SEMA5B: variants seen among roughly 807,000 people sequenced by gnomAD.
The protein encoded by SEMA5B is semaphorin-5B.
SEMA5B carries 66 observed loss-of-function variants against 135.0 expected under a neutral mutation model. That is an observed-to-expected ratio of 0.49 (90% CI 0.40 to 0.60). The LOEUF (loss-of-function observed/expected upper bound fraction) is 0.60. SEMA5B is among the 20% of genes least tolerant of loss of function. The pLI is 0.00. For missense variants in SEMA5B, 1,501 were observed against 1,566.3 expected (o/e 0.96, Z 0.70); for synonymous variants, 690 against 639.5 (o/e 1.08, Z -1.19).
intron 5 of SEMA5B, among the ~76,000 whole-genome samples, chr3:122,936,149 G>C (rs1249033159): frequency 2.0e-5 from 3 of 152,120 alleles, no homozygotes; most frequent in Non-Finnish European, 4.4e-5. Context: ...GATCAATCTG[G>C]AACACAGAGT....
At chr3:122,994,700 C>G (rs1941984550) in intron 1 of SEMA5B, among the ~76,000 whole-genome samples, 1 of 152,192 alleles carries the variant, frequency 6.6e-6, no homozygotes, top group South Asian at 2.1e-4. Context: ...AGGGGTTAGG[C>G]AGGACCAGGA....
intron 2 of SEMA5B, among the ~76,000 whole-genome samples, chr3:122,957,495 C>T (rs1311621968): frequency 6.6e-6 from 1 of 152,230 alleles, no homozygotes; most frequent in African/African-American, 2.4e-5. Context: ...AGGTCCTCTC[C>T]AGGGTAACCT....
chr3:122,957,741 G>A (rs947908498), intron 2 of SEMA5B, among the ~76,000 whole-genome samples: 54 of 152,310 alleles, frequency 3.5e-4, no homozygotes, highest in African/African-American at 1.3e-3. Flanking sequence ...CTTGCCCAAG[G>A]TCCCCCTGCC....
intron 1 of SEMA5B, among the ~76,000 whole-genome samples, chr3:123,013,581 C>G (rs1942486208): frequency 1.3e-5 from 2 of 152,170 alleles, no homozygotes; most frequent in Non-Finnish European, 2.9e-5. Context: ...AATGGCAAAG[C>G]AGGTGTTGAG....
intron 12 of SEMA5B, among the ~76,000 whole-genome samples, chr3:122,917,047 A>G (rs553519314): frequency 6.6e-6 from 1 of 152,302 alleles, no homozygotes; most frequent in East Asian, 1.9e-4. Flanking sequence ...AGGGGAGAAA[A>G]AGTCTGTGGG....
At chr3:123,000,905 G>C (rs1034679864) in intron 1 of SEMA5B, among the ~76,000 whole-genome samples, 1 of 152,190 alleles carries the variant, frequency 6.6e-6, no homozygotes, top group African/African-American at 2.4e-5. Flanking sequence ...TCTGCTCCAG[G>C]TGGAGAACCA....
chr3:122,973,080 T>C (rs1051589329), intron 1 of SEMA5B, among the ~76,000 whole-genome samples: 1 of 152,182 alleles, frequency 6.6e-6, no homozygotes, highest in African/African-American at 2.4e-5. Context: ...ATCTAAGAGG[T>C]AACCATAGTT....
Position 122,921,934 on chromosome 3 carries a change from C to T in SEMA5B, c.1669G>A (p.Ala557Thr), listed in dbSNP as rs909887013. ...GCTTACCCCTGGCTGCGGTAGGCGG[C>T]GCACCTCTCCAGTGGGACCCGCAGG... ...GVLRVPLERC[A>T]AYRSQGACLG... is the part of the protein sequence containing the mutation. The change falls in exon 12 of 23, where the codon GCC becomes ACC. Residue 557 changes from alanine (A) to threonine (T), a missense_variant. Physicochemically the swap from Ala to Thr is moderately conservative, Grantham distance 58. This residue lies in a region of SEMA5B where 927 missense variants were observed against 881.6 expected (regional missense o/e 1.05). Transcript: ENST00000357599. 5 of 1,533,942 alleles carry T rather than the reference C, an allele frequency of 3.3e-6. No individual in the cohort carries two copies. The African/African-American group carries it at 5.5e-5, about 17-fold the overall frequency.
chr3:122,931,938 T>G (rs1389940669), intron 5 of SEMA5B, among the ~76,000 whole-genome samples: 1 of 152,138 alleles, frequency 6.6e-6, no homozygotes, highest in Non-Finnish European at 1.5e-5. Flanking sequence ...CCAGAAAAAA[T>G]GACTAAGTTC....
Position 122,976,223 on chromosome 3 carries a change from C to A in SEMA5B, c.-38-14922G>T, listed in dbSNP as rs79163333. ...GCTCCTAGGACCAGCAGCATCTGCA[C>A]CTCCTGGGAACTTGTTTAAAATGCA... On this transcript the variant is annotated intron_variant, in intron 1 of 22. Transcript: ENST00000357599. 3,278 of 1,420,282 alleles carry A rather than the reference C, an allele frequency of 2.3e-3. 73 individuals are homozygous for A. The African/African-American group carries it at 0.042, about 18-fold the overall frequency. 88.0% of individuals were successfully genotyped at this position (1,420,282 alleles called of 1,614,324 possible).
intron 1 of SEMA5B, among the ~76,000 whole-genome samples, chr3:122,977,596 T>G (rs532165874): frequency 9.8e-4 from 150 of 152,348 alleles, no homozygotes; most frequent in African/African-American, 3.4e-3. Flanking sequence ...CTCATGCTCC[T>G]AGGATTTAAA....
chr3:122,948,146 T>C (rs1295425263), intron 3 of SEMA5B, among the ~76,000 whole-genome samples: 4 of 152,076 alleles, frequency 2.6e-5, no homozygotes, highest in Non-Finnish European at 4.4e-5. Flanking sequence ...AAGGAAGCTT[T>C]CCAGAGATCT....
intron 10 of SEMA5B, 22 bp from the exon 11 acceptor site, chr3:122,922,469 C>T (rs926831894): frequency 3.8e-6 from 6 of 1,562,958 alleles, no homozygotes; most frequent in African/African-American, 1.4e-5. Flanking sequence ...AGCCAGGTCA[C>T]GCGCGCCCCG....
At position 122,990,152 on chromosome 3, in the gene SEMA5B, C is replaced by T. The variant is rs1019581671; in HGVS notation, c.-38-28851G>A. Among the ~76,000 whole-genome samples the T allele has an allele frequency of 2.6e-5, 4 of 152,156 alleles. No homozygotes were observed. In the East Asian group the frequency reaches 5.8e-4, roughly 22 times the overall value. On this transcript the variant is annotated intron_variant, in intron 1 of 22. Coordinates refer to ENST00000357599, the MANE Select transcript of SEMA5B (RefSeq NM_001031702.4). ...TTGTGGCACCTGGAGCACCTCTCAG[C>T]GCCCTTCCACAAATTGGATTTTGGC...
chr3:122,995,437 C>T (rs1157260616), intron 1 of SEMA5B, among the ~76,000 whole-genome samples: 2 of 152,214 alleles, frequency 1.3e-5, no homozygotes, highest in Admixed American at 6.5e-5. Flanking sequence ...TGGCCACACC[C>T]TGCCACACTA....
intron 5 of SEMA5B, among the ~76,000 whole-genome samples, chr3:122,931,475 C>T (rs754300974): frequency 9.2e-5 from 14 of 152,120 alleles, no homozygotes; most frequent in Non-Finnish European, 1.0e-4. Flanking sequence ...AACAAAATTG[C>T]TGCCAATCAA....
intron 1 of SEMA5B, among the ~76,000 whole-genome samples, chr3:123,018,630 G>A (rs895377365): frequency 2.0e-5 from 3 of 152,108 alleles, no homozygotes; most frequent in Non-Finnish European, 2.9e-5. Flanking sequence ...TCACCTTGTC[G>A]GCTCTGATGA....
At chr3:123,012,442 C>T (rs781465564) in intron 1 of SEMA5B, among the ~76,000 whole-genome samples, 3 of 152,188 alleles carry the variant, frequency 2.0e-5, no homozygotes, top group Non-Finnish European at 4.4e-5. Flanking sequence ...CAGCAGGTGA[C>T]CAGGGCAAAG....
In SEMA5B at chr3:122,910,078, T is replaced by C; in HGVS notation, c.*65A>G. The stretch of plus-strand genomic sequence containing the variant: ...AGGGAGAAAACCAAACTGGCTCCAC[T>C]GTCCCATCTCCATCTGCTCTGTGCC... On this transcript the variant is annotated 3_prime_UTR_variant, in exon 23 of 23. Coordinates refer to ENST00000357599, the MANE Select transcript of SEMA5B (RefSeq NM_001031702.4). The C allele has an allele frequency of 6.4e-7, 1 of 1,552,738 alleles. No homozygotes were observed.
Sources: allele counts gnomAD v4.1 joint callset (sites outside exome capture counted in the v4.1 genomes callset), GRCh38; gene constraint gnomAD v4.1.1; regional missense constraint gnomAD v4.1.1; transcripts MANE v1.5; gene names NCBI Gene and HGNC (gene_info 2026-07-23, HGNC 2026-07-21).